The following PTPRN2 variants were observed in gnomAD, a reference collection of about 807,000 sequenced individuals.
PTPRN2 encodes protein tyrosine phosphatase receptor type N2.
PTPRN2 carries 74 observed loss-of-function variants against 118.8 expected under a neutral mutation model. The observed-to-expected ratio is 0.62, with a 90% CI of 0.52 to 0.76. The LOEUF (loss-of-function observed/expected upper bound fraction) is 0.76. Among genes scored for constraint, PTPRN2 ranks in the 30% least tolerant of loss-of-function variants. PTPRN2 has a pLI of 0.00. For synonymous variants in PTPRN2, 641 were observed against 608.0 expected, an observed-to-expected ratio of 1.05 and a Z score of -0.80; for missense variants, 1,481 against 1,394.4, an observed-to-expected ratio of 1.06 and a Z score of -0.99.
intron 5 of PTPRN2, among the ~76,000 whole-genome samples, chr7:158,184,422 AT>A (rs750744005): frequency 5.3e-5 from 8 of 152,196 alleles, no homozygotes; most frequent in Non-Finnish European, 1.0e-4. Flanking sequence ...AAATAAATTA[AT>A]TTTTGTGTGC....
At chr7:158,189,839 C>T (rs117418617) in intron 5 of PTPRN2, among the ~76,000 whole-genome samples, 6 of 152,302 alleles carry the variant, frequency 3.9e-5, no homozygotes, top group Non-Finnish European at 5.9e-5. Context: ...AAAGACACAG[C>T]GGGGCAGAGG....
At chr7:158,180,519 G>A (rs1824608818) in intron 5 of PTPRN2, among the ~76,000 whole-genome samples, 1 of 152,146 alleles carries the variant, frequency 6.6e-6, no homozygotes, top group Non-Finnish European at 1.5e-5. Context: ...CATTAAATCT[G>A]TAGATTGCTT....
At chr7:158,587,170 A>G (rs1281829905) in intron 1 of PTPRN2, among the ~76,000 whole-genome samples, 1 of 103,288 alleles carries the variant, frequency 9.7e-6, no homozygotes, top group African/African-American at 3.8e-5. Flanking sequence ...ACTCACCGAG[A>G]CGCCCCTCCC....
In PTPRN2 at chr7:158,013,637, T is replaced by C. The variant is rs145855408; in HGVS notation, c.1723+67661A>G. Among the ~76,000 whole-genome samples, 170 of 152,004 alleles carry C rather than the reference T, an allele frequency of 1.1e-3. 1 individual carries two copies. The highest frequency in any genetic ancestry group is 3.9e-3 in the African/African-American group (161 of 41,442). On this transcript the variant is annotated intron_variant, in intron 11 of 22. Coordinates refer to ENST00000389418, the MANE Select transcript of PTPRN2 (RefSeq NM_002847.5). ...CATCCATCATACATCTATCAATCCA[T>C]CTATCATCCATCATTCATCATCTGT...
intron 21 of PTPRN2, among the ~76,000 whole-genome samples, chr7:157,556,018 C>T (rs907476369): frequency 2.6e-5 from 4 of 152,160 alleles, no homozygotes; most frequent in African/African-American, 4.8e-5. Flanking sequence ...CCATGTCAGC[C>T]GAGGTGACCC....
At chr7:157,766,184 A>AATCCATCCATCCATCC (rs775536701) in intron 12 of PTPRN2, among the ~76,000 whole-genome samples, 1 of 116,242 alleles carries the variant, frequency 8.6e-6, no homozygotes, top group African/African-American at 3.4e-5. Context: ...TCTGTCCACC[A>AATCCATCCATCCATCC]ATCCATCCAT....
intron 11 of PTPRN2, among the ~76,000 whole-genome samples, chr7:158,076,567 G>T (rs779973896): frequency 6.6e-6 from 1 of 152,228 alleles, no homozygotes; most frequent in Non-Finnish European, 1.5e-5. Context: ...CTTAGTGGCT[G>T]CTGAAGATGA....
At chr7:157,545,078 TG>T (rs1199764812) in intron 22 of PTPRN2, among the ~76,000 whole-genome samples, 1 of 147,590 alleles carries the variant, frequency 6.8e-6, no homozygotes, top group African/African-American at 2.5e-5. Context: ...CATGGGTGTG[TG>T]TGTGGGTGTG....
At chr7:158,587,425 CACAGAGGCGCCTCT>C in intron 1 of PTPRN2, 119 bp downstream of exon 1, 1 of 156,208 alleles carries the variant, frequency 6.4e-6, no homozygotes, top group Non-Finnish European at 9.4e-6. Flanking sequence ...CCGAACCCCT[CACAGAGGCGCCTCT>C]CCCCCCGACC....
chr7:158,518,395 C>A (rs929764285), intron 1 of PTPRN2, among the ~76,000 whole-genome samples: 1 of 152,082 alleles, frequency 6.6e-6, no homozygotes, highest in African/African-American at 2.4e-5. Flanking sequence ...ACAGGGACAT[C>A]AGCGCTTGTC....
chr7:158,222,349 A>G (rs1828436732), intron 3 of PTPRN2, among the ~76,000 whole-genome samples: 1 of 152,216 alleles, frequency 6.6e-6, no homozygotes, highest in African/African-American at 2.4e-5. Context: ...GATGGACTGG[A>G]AAAAGAAAAT....
At position 157,596,301 on chromosome 7, in the gene PTPRN2, C is replaced by T. The variant is rs951383744; in HGVS notation, c.2419-986G>A. On this transcript the variant is annotated intron_variant, in intron 16 of 22. Coordinates refer to ENST00000389418, the MANE Select transcript of PTPRN2 (RefSeq NM_002847.5). The surrounding 1 kb of genome is among the most constrained non-coding windows in gnomAD (Gnocchi z 4.2). ...CCTGGGCCTGGGTCTGTGGCAGAGCCGGGGCGGAAGGGCCTTGCTGGGAGT... is the reference window on the plus strand; with the variant it reads ...CCTGGGCCTGGGTCTGTGGCAGAGCTGGGGCGGAAGGGCCTTGCTGGGAGT... Among the ~76,000 whole-genome samples the T allele has an allele frequency of 4.6e-5, 7 of 152,130 alleles. No homozygotes were observed. In the South Asian group the frequency reaches 1.0e-3, roughly 22 times the overall value.
At chr7:157,843,552 T>C (rs1407323141) in intron 12 of PTPRN2, among the ~76,000 whole-genome samples, 1 of 152,096 alleles carries the variant, frequency 6.6e-6, no homozygotes, top group Non-Finnish European at 1.5e-5. Flanking sequence ...AGACCCAACT[T>C]CCCTGGCCAC....
At chr7:157,925,972 GGTTTT>G (rs1287420214) in intron 11 of PTPRN2, among the ~76,000 whole-genome samples, 1 of 152,174 alleles carries the variant, frequency 6.6e-6, no homozygotes, top group Admixed American at 6.5e-5. Context: ...TATATTTTAT[GGTTTT>G]GTTATCATTT....
At chr7:158,164,344 T>A (rs1188740341) in intron 6 of PTPRN2, among the ~76,000 whole-genome samples, 2 of 86,652 alleles carry the variant, frequency 2.3e-5, no homozygotes, top group South Asian at 8.1e-4. Flanking sequence ...AGAGCAGGAG[T>A]GGCGCGTAAG....
At chr7:158,538,665 G>A (rs1482432069) in intron 1 of PTPRN2, among the ~76,000 whole-genome samples, 1 of 152,142 alleles carries the variant, frequency 6.6e-6, no homozygotes, top group African/African-American at 2.4e-5. Flanking sequence ...ATCCTCCACT[G>A]CCTTGAGCCC....
chr7:158,163,234 G>A (rs1822527937), intron 6 of PTPRN2, among the ~76,000 whole-genome samples: 1 of 151,526 alleles, frequency 6.6e-6, no homozygotes, highest in Non-Finnish European at 1.5e-5. Context: ...GCCTATACCA[G>A]GTTCTCAATT....
chr7:157,819,517 G>A (rs999327776), intron 12 of PTPRN2, among the ~76,000 whole-genome samples: 1 of 56,630 alleles, frequency 1.8e-5, no homozygotes, highest in Non-Finnish European at 3.8e-5. Context: ...CCTCCCTCCC[G>A]CCCCAAGCAC....
chr7:158,057,033 C>A (rs1050258071), intron 11 of PTPRN2, among the ~76,000 whole-genome samples: 1 of 152,238 alleles, frequency 6.6e-6, no homozygotes, highest in Admixed American at 6.5e-5. Flanking sequence ...ACTAGACCCA[C>A]CCAGCGACCC....
Sources: gnomAD v4.1 joint callset for allele counts (sites outside exome capture counted in the v4.1 genomes callset) on GRCh38, gnomAD v4.1.1 for gene constraint, Gnocchi (gnomAD v3.1) non-coding constraint, MANE v1.5 for transcripts, NCBI Gene and HGNC (gene_info 2026-07-23, HGNC 2026-07-21) for gene names.